Variants in TAFA1 observed in about 807,000 individuals in gnomAD.
TAFA1 encodes the protein chemokine-like protein TAFA-1.
In TAFA1, 4 loss-of-function variants were observed where a neutral mutation model predicts 18.5. The ratio of observed to expected loss-of-function variants is 0.22; its 90% CI spans 0.11 to 0.49. The LOEUF (loss-of-function observed/expected upper bound fraction) is 0.49, where lower values mean the gene tolerates loss of function less well. Among genes scored for constraint, TAFA1 ranks in the 20% least tolerant of loss-of-function variants. The pLI is 0.98. For synonymous variants in TAFA1, 56 were observed against 55.2 expected (o/e 1.01, Z -0.06); for missense variants, 147 against 169.0 (o/e 0.87, Z 0.72).
chr3:68,028,200 T>C (rs1336756887), intron 2 of TAFA1, among the ~76,000 whole-genome samples: 1 of 151,926 alleles, frequency 6.6e-6, no homozygotes, highest in Non-Finnish European at 1.5e-5. Flanking sequence ...CCCAGGAAGG[T>C]GAGGCAGGAG....
chr3:68,488,447 G>T (rs1234819567), intron 3 of TAFA1, among the ~76,000 whole-genome samples: 1 of 152,118 alleles, frequency 6.6e-6, no homozygotes, highest in Admixed American at 6.5e-5. Flanking sequence ...CATCCTCAGG[G>T]GAACAATACT....
At chr3:68,293,615 G>A (rs1162174726) in intron 2 of TAFA1, among the ~76,000 whole-genome samples, 1 of 152,190 alleles carries the variant, frequency 6.6e-6, no homozygotes, top group Non-Finnish European at 1.5e-5. Flanking sequence ...AAGAATTAAT[G>A]AGATATTGCA....
intron 2 of TAFA1, among the ~76,000 whole-genome samples, chr3:68,251,924 A>G (rs985657956): frequency 1.3e-5 from 2 of 152,238 alleles, no homozygotes; most frequent in Admixed American, 6.5e-5. Flanking sequence ...TCCATGTCAC[A>G]TATGTGGGAA....
chr3:68,169,672 C>T (rs1288901042), intron 2 of TAFA1, among the ~76,000 whole-genome samples: 7 of 152,216 alleles, frequency 4.6e-5, no homozygotes, highest in African/African-American at 9.6e-5. Context: ...ATTTGATGCA[C>T]ACTAAACTTC....
intron 3 of TAFA1, among the ~76,000 whole-genome samples, chr3:68,427,088 C>A (rs76694303): frequency 0.017 from 2,650 of 151,720 alleles, 84 homozygotes; most frequent in African/African-American, 0.06. Context: ...CACAGCACAC[C>A]CAAAATCCTT....
chr3:68,012,311 GT>G (rs1249657153), intron 2 of TAFA1, among the ~76,000 whole-genome samples: 1 of 152,176 alleles, frequency 6.6e-6, no homozygotes, highest in African/African-American at 2.4e-5. Context: ...TGCAACAATG[GT>G]TTTAATGGCA....
intron 2 of TAFA1, among the ~76,000 whole-genome samples, chr3:68,291,902 G>A (rs960052993): frequency 6.6e-6 from 1 of 152,072 alleles, no homozygotes; most frequent in African/African-American, 2.4e-5. Flanking sequence ...ATCATCTAGT[G>A]GGAGATAATA....
At chr3:68,388,867 T>A (rs918902726) in intron 2 of TAFA1, among the ~76,000 whole-genome samples, 1 of 152,186 alleles carries the variant, frequency 6.6e-6, no homozygotes, top group Non-Finnish European at 1.5e-5. Flanking sequence ...AGAATAGAGA[T>A]CTCCATGTGA....
intron 4 of TAFA1, among the ~76,000 whole-genome samples, chr3:68,542,818 G>A (rs1016645096): frequency 6.6e-6 from 1 of 152,174 alleles, no homozygotes; most frequent in East Asian, 1.9e-4. Context: ...CCATTTACAT[G>A]TGGGAAGGGG....
chr3:68,186,204 C>T (rs148101033), intron 2 of TAFA1, among the ~76,000 whole-genome samples: 168 of 152,192 alleles, frequency 1.1e-3, no homozygotes, highest in African/African-American at 3.9e-3. Flanking sequence ...TACATTTCTA[C>T]TCTTTGGGAA....
chr3:68,326,237 TA>T (rs2068775812), intron 2 of TAFA1, among the ~76,000 whole-genome samples: 1 of 152,220 alleles, frequency 6.6e-6, no homozygotes, highest in Non-Finnish European at 1.5e-5. Context: ...TTACTGATAC[TA>T]TTATTGAACA....
Position 68,457,119 on chromosome 3 carries a change from A to G in TAFA1, c.259+39699A>G, listed in dbSNP as rs191778707. Among the ~76,000 whole-genome samples, 10 of 152,340 alleles carry G rather than the reference A, an allele frequency of 6.6e-5. No individual in the cohort carries two copies. In the East Asian group the frequency reaches 1.9e-3, roughly 29 times the overall value. ...GGCATTTTAAGTAGGTACTTGTAACACTTCAACTCACTGCAATAGCAACTG... is the reference window on the plus strand; with the variant it reads ...GGCATTTTAAGTAGGTACTTGTAACGCTTCAACTCACTGCAATAGCAACTG... On this transcript the variant is annotated intron_variant, in intron 3 of 4. Coordinates refer to ENST00000478136, the MANE Select transcript of TAFA1 (RefSeq NM_213609.4).
chr3:68,544,445 G>T (rs573865701), intron 4 of TAFA1, 41 bp from the exon 5 acceptor site: 1 of 1,606,558 alleles, frequency 6.2e-7, no homozygotes. Flanking sequence ...CCTTCAGTTT[G>T]CACTGTTCTC....
At chr3:68,066,563 G>C (rs931068423) in intron 2 of TAFA1, among the ~76,000 whole-genome samples, 1 of 152,124 alleles carries the variant, frequency 6.6e-6, no homozygotes, top group Non-Finnish European at 1.5e-5. Context: ...ATAATTTCAG[G>C]TTGCAAAGAA....
At chr3:68,066,939 G>C (rs904100807) in intron 2 of TAFA1, among the ~76,000 whole-genome samples, 6 of 152,078 alleles carry the variant, frequency 3.9e-5, no homozygotes, top group African/African-American at 1.4e-4. Flanking sequence ...AAGGCACAGG[G>C]GTTTTTAGGG....
At chr3:68,063,524 T>A (rs1270635234) in intron 2 of TAFA1, among the ~76,000 whole-genome samples, 2 of 152,174 alleles carry the variant, frequency 1.3e-5, no homozygotes, top group Non-Finnish European at 2.9e-5. Flanking sequence ...AATGTAAAAT[T>A]TAAGTTAGGG....
intron 3 of TAFA1, among the ~76,000 whole-genome samples, chr3:68,461,827 G>A (rs947097154): frequency 6.6e-6 from 1 of 151,962 alleles, no homozygotes; most frequent in Non-Finnish European, 1.5e-5. Context: ...TGTGACTTAT[G>A]CCCAGTTTTC....
upstream of TAFA1, among the ~76,000 whole-genome samples, chr3:68,002,668 AT>A (rs199640589): frequency 5.3e-5 from 8 of 152,212 alleles, no homozygotes; most frequent in East Asian, 1.4e-3. Flanking sequence ...TATAATAGTT[AT>A]TTTTTTGGAT....
At chr3:68,055,519 C>T (rs1456007091) in intron 2 of TAFA1, among the ~76,000 whole-genome samples, 1 of 152,088 alleles carries the variant, frequency 6.6e-6, no homozygotes, top group African/African-American at 2.4e-5. Context: ...TAATTCTTTA[C>T]TTCTTGAAGC....
Sources: gnomAD v4.1 joint callset for allele counts (sites outside exome capture counted in the v4.1 genomes callset) on GRCh38, gnomAD v4.1.1 for gene constraint, MANE v1.5 for transcripts, NCBI Gene and HGNC (gene_info 2026-07-23, HGNC 2026-07-21) for gene names.